ASB17: variants seen among roughly 807,000 people sequenced by gnomAD.
ASB17 encodes ankyrin repeat and SOCS box protein 17.
ASB17 carries 26 observed loss-of-function variants against 25.7 expected under a neutral mutation model. The observed-to-expected ratio is 1.01, with a 90% confidence interval of 0.74 to 1.40. ASB17 has a LOEUF of 1.40. Among genes scored for constraint, ASB17 ranks in the 40% most tolerant of loss-of-function variants. The pLI is 0.00. For missense variants in ASB17, 326 were observed against 338.5 expected (o/e 0.96, Z 0.29); for synonymous variants, 128 against 121.4 (o/e 1.05, Z -0.36).
intron 1 of ASB17, 41 bp downstream of exon 1, chr1:75,931,850 A>G: frequency 6.6e-7 from 1 of 1,508,618 alleles, no homozygotes; most frequent in Non-Finnish European, 8.8e-7. Flanking sequence ...TCGTAAAGAT[A>G]AATTTTCTTG....
intron 2 of ASB17, among the ~76,000 whole-genome samples, chr1:75,919,635 T>G (rs1173913322): frequency 2.0e-5 from 3 of 151,988 alleles, no homozygotes; most frequent in Non-Finnish European, 4.4e-5. Flanking sequence ...CAATATGCGG[T>G]GTTTGGTTTT....
intron 1 of ASB17, among the ~76,000 whole-genome samples, chr1:75,927,297 G>C (rs1196274121): frequency 4.9e-5 from 7 of 142,356 alleles, no homozygotes; most frequent in Admixed American, 2.1e-4. Flanking sequence ...CACTAAGTTT[G>C]TGGTAATTTG....
chr1:75,929,391 A>ATTT (rs34917597), intron 1 of ASB17, among the ~76,000 whole-genome samples: 2 of 145,900 alleles, frequency 1.4e-5, no homozygotes, highest in African/African-American at 5.0e-5. Context: ...CGCCCAGCTA[A>ATTT]TTTTTTTTTT....
intron 1 of ASB17, among the ~76,000 whole-genome samples, chr1:75,923,022 T>C (rs1037569440): frequency 6.6e-6 from 1 of 152,154 alleles, no homozygotes; most frequent in African/African-American, 2.4e-5. Flanking sequence ...AATAATAAAA[T>C]GGAAAAGGAG....
chr1:75,923,589 T>G (rs1302539428), intron 1 of ASB17, among the ~76,000 whole-genome samples: 2 of 152,182 alleles, frequency 1.3e-5, no homozygotes, highest in Non-Finnish European at 2.9e-5. Flanking sequence ...GGAATTCTCT[T>G]GACTGGCCTA....
At chr1:75,919,883 G>A (rs548226160) in intron 2 of ASB17, among the ~76,000 whole-genome samples, 15 of 152,274 alleles carry the variant, frequency 9.9e-5, no homozygotes, top group East Asian at 1.9e-4. Context: ...ATGATTTATA[G>A]TCCTTTGGGT....
intron 1 of ASB17, among the ~76,000 whole-genome samples, chr1:75,928,194 T>G (rs1048421906): frequency 1.3e-5 from 2 of 152,218 alleles, no homozygotes; most frequent in African/African-American, 4.8e-5. Flanking sequence ...CATGCTTCTA[T>G]TTTTGTACCT....
chr1:75,930,081 A>G (rs1379934368), intron 1 of ASB17, among the ~76,000 whole-genome samples: 2 of 151,702 alleles, frequency 1.3e-5, no homozygotes, highest in Non-Finnish European at 2.9e-5. Context: ...TCAGAGGCAA[A>G]GTCAACACTG....
chr1:75,932,034 G>T lies in ASB17; in HGVS notation c.258C>A (p.Asn86Lys). The part of the protein sequence containing the change: ...KSGYRFEVSF[N>K]LDFTEICVNT... ...TCACACATATTTCAGTGAAGTCGAG[G>T]TTAAAACTTACTTCAAAACGGTATC... The change falls in exon 1 of 3, where the codon AAC (asparagine) becomes AAA (lysine). Residue 86 changes from asparagine to lysine, a missense_variant. Transcript: ENST00000284142. 1.2e-6 allele frequency: 2 copies of T among 1,614,094 alleles called. No individual in the cohort carries two copies. The highest frequency in any genetic ancestry group is 1.7e-6 in the Non-Finnish European group (2 of 1,179,994).
chr1:75,924,087 T>G (rs912254740), intron 1 of ASB17, among the ~76,000 whole-genome samples: 1 of 152,108 alleles, frequency 6.6e-6, no homozygotes, highest in Non-Finnish European at 1.5e-5. Flanking sequence ...TCATTTCCTA[T>G]AGGTTATCCA....
intron 1 of ASB17, among the ~76,000 whole-genome samples, chr1:75,923,587 C>T (rs1368246775): frequency 6.6e-6 from 1 of 152,096 alleles, no homozygotes; most frequent in Non-Finnish European, 1.5e-5. Context: ...GTGGAATTCT[C>T]TTGACTGGCC....
chr1:75,922,035 A>T, intron 2 of ASB17, 45 bp downstream of exon 2: 13 of 1,435,204 alleles, frequency 9.1e-6, no homozygotes, highest in South Asian at 1.3e-5. Flanking sequence ...GAATCTTAAG[A>T]TTCACTAATA....
intron 2 of ASB17, among the ~76,000 whole-genome samples, chr1:75,919,908 G>A (rs1283841812): frequency 1.3e-5 from 2 of 152,176 alleles, no homozygotes; most frequent in African/African-American, 2.4e-5. Flanking sequence ...ACCCAGTAAT[G>A]GGATGGCTGG....
intron 1 of ASB17, among the ~76,000 whole-genome samples, chr1:75,923,309 A>G (rs917535722): frequency 6.6e-6 from 1 of 152,172 alleles, no homozygotes; most frequent in Admixed American, 6.6e-5. Context: ...AATCTAGGGA[A>G]ATCTTGTTTT....
intron 1 of ASB17, among the ~76,000 whole-genome samples, chr1:75,927,846 C>G (rs1475503817): frequency 1.3e-5 from 2 of 152,152 alleles, no homozygotes; most frequent in African/African-American, 2.4e-5. Flanking sequence ...CCAGGCATTA[C>G]CCATGGTGTA....
In ASB17 at chr1:75,932,340, G is replaced by A. The variant is rs765165796; in HGVS notation, c.-49C>T. ...AAATAAAATCAGAGGTAAGCATACT[G>A]TAATCCTCCAGTTACATATTTTGAC... On this transcript the variant is annotated 5_prime_UTR_variant, in exon 1 of 3. Coordinates refer to ENST00000284142, the MANE Select transcript of ASB17 (RefSeq NM_080868.3). 8.8e-6 allele frequency: 13 copies of A among 1,485,536 alleles called. No individual in the cohort carries two copies. In the Admixed American group the frequency reaches 2.5e-4, roughly 29 times the overall value. The allele number at this position is 1,485,536 out of a possible 1,614,324, so 92.0% of individuals were successfully genotyped here.
chr1:75,926,699 C>G (rs576056760), intron 1 of ASB17, among the ~76,000 whole-genome samples: 1 of 152,296 alleles, frequency 6.6e-6, no homozygotes, highest in African/African-American at 2.4e-5. Context: ...GTAGTGGAGA[C>G]AGCCAGATGC....
chr1:75,923,980 G>A (rs1204537988), intron 1 of ASB17, among the ~76,000 whole-genome samples: 1 of 152,024 alleles, frequency 6.6e-6, no homozygotes, highest in Non-Finnish European at 1.5e-5. Flanking sequence ...ACAAGAAATT[G>A]CATAAATACA....
intron 1 of ASB17, among the ~76,000 whole-genome samples, chr1:75,931,578 C>A (rs953213487): frequency 6.6e-5 from 10 of 152,094 alleles, no homozygotes; most frequent in Admixed American, 5.9e-4. Context: ...ATAGGATTCG[C>A]AGAAATAGGA....
Sources: gnomAD v4.1 joint callset for allele counts (sites outside exome capture counted in the v4.1 genomes callset) on GRCh38, gnomAD v4.1.1 for gene constraint, MANE v1.5 for transcripts, NCBI Gene and HGNC (gene_info 2026-07-23, HGNC 2026-07-21) for gene names.